Variants in BANK1 observed in about 807,000 individuals in gnomAD.
BANK1 encodes B cell scaffold protein with ankyrin repeats 1.
In BANK1, 95 loss-of-function variants were observed where a neutral mutation model predicts 94.5. The observed-to-expected ratio is 1.00, with a 90% confidence interval of 0.85 to 1.19. The LOEUF (loss-of-function observed/expected upper bound fraction) is 1.19, where lower values mean the gene tolerates loss of function less well. BANK1 is among the 50% of genes most tolerant of loss of function. The probability of loss-of-function intolerance (pLI) is 0.00; values close to 1 mark genes in which losing one functional copy is unlikely to be tolerated. For missense variants in BANK1, 987 were observed against 932.2 expected, an observed-to-expected ratio of 1.06 and a Z score of -0.77; for synonymous variants, 334 against 308.4, an observed-to-expected ratio of 1.08 and a Z score of -0.87.
intron 11 of BANK1, among the ~76,000 whole-genome samples, chr4:102,056,998 CAAAACA>C (rs372197556): frequency 2.0e-5 from 3 of 151,796 alleles, no homozygotes; most frequent in South Asian, 2.1e-4. Context: ...GAGACTGCCT[CAAAACA>C]AAAACAAAAA....
At chr4:101,838,109 G>A (rs891691446) in intron 2 of BANK1, among the ~76,000 whole-genome samples, 4 of 152,004 alleles carry the variant, frequency 2.6e-5, no homozygotes, top group African/African-American at 9.7e-5. Context: ...ACAGGTGTGT[G>A]CTACGCCCGG....
chr4:102,045,393 C>T (rs1727846166), intron 11 of BANK1, among the ~76,000 whole-genome samples: 1 of 152,092 alleles, frequency 6.6e-6, no homozygotes, highest in South Asian at 2.1e-4. Flanking sequence ...GACAGGGATG[C>T]CCTCTCTCAC....
intron 7 of BANK1, among the ~76,000 whole-genome samples, chr4:101,980,433 G>A (rs949139468): frequency 1.3e-5 from 2 of 151,172 alleles, no homozygotes; most frequent in African/African-American, 4.9e-5. Flanking sequence ...ATATATTTGA[G>A]TTATTTTTTT....
chr4:101,853,213 C>G (rs1429804999), intron 2 of BANK1, among the ~76,000 whole-genome samples: 1 of 152,208 alleles, frequency 6.6e-6, no homozygotes, highest in Non-Finnish European at 1.5e-5. Flanking sequence ...AGTTCTGCAA[C>G]TTTCATAAGA....
intron 7 of BANK1, among the ~76,000 whole-genome samples, chr4:101,989,642 T>C (rs1725634112): frequency 6.6e-6 from 1 of 151,718 alleles, no homozygotes; most frequent in African/African-American, 2.4e-5. Flanking sequence ...GGGACAGCTT[T>C]TTTTTTTCTC....
intron 2 of BANK1, among the ~76,000 whole-genome samples, chr4:101,854,804 T>A (rs1727619871): frequency 6.6e-6 from 1 of 152,200 alleles, no homozygotes; most frequent in African/African-American, 2.4e-5. Flanking sequence ...AACTAGTAGA[T>A]GAACATAGTA....
chr4:101,828,819 T>G (rs2148862815), intron 1 of BANK1, among the ~76,000 whole-genome samples: 1 of 152,288 alleles, frequency 6.6e-6, no homozygotes, highest in Admixed American at 6.5e-5. Flanking sequence ...TGAAGAAATT[T>G]TATAATTATC....
In BANK1 at chr4:101,855,045, CT is replaced by C. The variant is rs780293975; in HGVS notation, c.481del (p.Tyr161ThrfsTer18). 6.2e-7 allele frequency: 1 copy of C among 1,608,020 alleles called. No homozygotes were observed. Among genetic ancestry groups the C allele is most frequent in the Admixed American group, 1.7e-5 (1 of 59,658 alleles). ...QSIIFKDSED[Y>X]FEVNIPTDLR... ...TAAAATTTTCTCTAGATTCTGAAGA[CT>C]ACTTTGAGGTCAACATTCCAACAGA... On this transcript the variant is annotated frameshift_variant, in exon 3 of 17. Coordinates refer to ENST00000322953, the MANE Select transcript of BANK1 (RefSeq NM_017935.5). LOFTEE classifies it high-confidence loss of function.
At chr4:102,008,951 A>G (rs999108512) in intron 7 of BANK1, among the ~76,000 whole-genome samples, 1 of 152,198 alleles carries the variant, frequency 6.6e-6, no homozygotes, top group African/African-American at 2.4e-5. Context: ...GCCTGAAGTC[A>G]TGTTTCCTGA....
At chr4:101,887,028 T>C (rs1728884481) in intron 5 of BANK1, among the ~76,000 whole-genome samples, 1 of 152,212 alleles carries the variant, frequency 6.6e-6, no homozygotes, top group South Asian at 2.1e-4. Context: ...CCCAATGGCA[T>C]GGCATGGCAG....
At chr4:101,937,927 A>T (rs1385508004) in intron 7 of BANK1, among the ~76,000 whole-genome samples, 2 of 151,966 alleles carry the variant, frequency 1.3e-5, no homozygotes, top group Non-Finnish European at 2.9e-5. Context: ...GGATGAGTTC[A>T]TGTCCTTTGC....
rs183802105 is a variant in BANK1, at chr4:101,840,442, A to G, written c.469+10236A>G. On this transcript the variant is annotated intron_variant, in intron 2 of 16. Coordinates refer to ENST00000322953, the MANE Select transcript of BANK1 (RefSeq NM_017935.5). ...TGGCCATAAACAAAATCTCTGAAGC[A>G]CTGTGACTTGTTTGTGATGACCGTG... 2.0e-3 allele frequency among the ~76,000 whole-genome samples: 306 copies of G among 152,322 alleles called. 1 individual carries two copies. Among genetic ancestry groups the G allele is most frequent in the African/African-American group, 7.2e-3 (300 of 41,572 alleles).
intron 7 of BANK1, among the ~76,000 whole-genome samples, chr4:101,940,302 A>G (rs986700687): frequency 1.3e-5 from 2 of 151,574 alleles, no homozygotes; most frequent in African/African-American, 2.4e-5. Context: ...TCAACTTAGT[A>G]TTTTAGAATA....
At chr4:101,814,325 T>C (rs1560584474) in intron 1 of BANK1, among the ~76,000 whole-genome samples, 1 of 152,164 alleles carries the variant, frequency 6.6e-6, no homozygotes, top group Non-Finnish European at 1.5e-5. Context: ...AGTACTCTGT[T>C]TGGGTCATTG....
chr4:102,022,781 C>T (rs549806727), intron 8 of BANK1, among the ~76,000 whole-genome samples: 1 of 152,142 alleles, frequency 6.6e-6, no homozygotes, highest in South Asian at 2.1e-4. Flanking sequence ...CCATTGTACT[C>T]ATAACCTTTC....
At chr4:101,937,064 A>G (rs1723591103) in intron 7 of BANK1, among the ~76,000 whole-genome samples, 3 of 151,710 alleles carry the variant, frequency 2.0e-5, no homozygotes, top group Admixed American at 2.0e-4. Context: ...GTCCCTCAAC[A>G]GACAAATGGA....
At chr4:101,941,616 A>T (rs189391436) in intron 7 of BANK1, among the ~76,000 whole-genome samples, 87 of 151,902 alleles carry the variant, frequency 5.7e-4, no homozygotes, top group African/African-American at 2.0e-3. Flanking sequence ...CCAGAGGCTG[A>T]CATCATTCGT....
Position 101,839,937 on chromosome 4 carries a change from A to ATTTTTTTT in BANK1, c.469+9773_469+9780dup, listed in dbSNP as rs70964197. On this transcript the variant is annotated intron_variant, in intron 2 of 16. Coordinates refer to ENST00000322953, the MANE Select transcript of BANK1 (RefSeq NM_017935.5). Reference sequence around the variant, plus strand: ...GCTACTATATAATTTCAAATATTTAATTTTTTTTTTTTTTTTTTTTTTTTT... The same window carrying ATTTTTTTT: ...GCTACTATATAATTTCAAATATTTAATTTTTTTTTTTTTTTTTTTTTTTTTTTTTTTTT... Among the ~76,000 whole-genome samples, 57 of 53,086 alleles carry ATTTTTTTT rather than the reference A, an allele frequency of 1.1e-3. 15 individuals carry two copies. The highest frequency in any genetic ancestry group is 1.9e-3 in the African/African-American group (25 of 13,326). The allele number at this position is 53,086 out of a possible 152,430, so 34.8% of individuals were successfully genotyped here. A position where few individuals can be genotyped will look rare whatever the true frequency, so the allele number is the denominator to read the frequency against.
intron 2 of BANK1, among the ~76,000 whole-genome samples, chr4:101,830,873 T>A (rs964501587): frequency 1.3e-5 from 2 of 152,016 alleles, no homozygotes; most frequent in African/African-American, 4.8e-5. Context: ...AGGGAAGGAG[T>A]GAAGCTATCA....
Sources: allele counts gnomAD v4.1 joint callset (sites outside exome capture counted in the v4.1 genomes callset), GRCh38; gene constraint gnomAD v4.1.1; transcripts MANE v1.5; gene names NCBI Gene and HGNC (gene_info 2026-07-23, HGNC 2026-07-21).